The following PROK2 variants were observed in gnomAD, a reference collection of about 807,000 sequenced individuals.
The protein encoded by PROK2 is prokineticin-2.
A neutral mutation model predicts 14.2 loss-of-function variants in PROK2; 8 were observed. That is an observed-to-expected ratio of 0.56 (90% CI 0.33 to 1.02). The LOEUF (loss-of-function observed/expected upper bound fraction) is 1.02, where lower values mean the gene tolerates loss of function less well. Ranked by LOEUF, PROK2 falls within the 50% of genes least tolerant of loss-of-function variation. PROK2 has a pLI of 0.03. For synonymous variants in PROK2, 59 were observed against 60.7 expected, an observed-to-expected ratio of 0.97 and a Z score of 0.13; for missense variants, 154 against 160.4, an observed-to-expected ratio of 0.96 and a Z score of 0.22.
intron 3 of PROK2, among the ~76,000 whole-genome samples, chr3:71,773,304 C>T (rs557848209): frequency 1.3e-4 from 20 of 152,270 alleles, no homozygotes; most frequent in African/African-American, 4.8e-4. Context: ...TATATGTTAT[C>T]CTTTCCCATT....
At chr3:71,781,695 T>C (rs2050161734) in intron 1 of PROK2, 103 bp from the exon 2 acceptor site, 2 of 1,210,966 alleles carry the variant, frequency 1.7e-6, no homozygotes, top group Non-Finnish European at 2.4e-6. Flanking sequence ...TCTAAACACT[T>C]GGACTTTAAT....
At chr3:71,780,023 A>C (rs1276021158) in intron 2 of PROK2, among the ~76,000 whole-genome samples, 1 of 152,230 alleles carries the variant, frequency 6.6e-6, no homozygotes, top group Admixed American at 6.5e-5. Flanking sequence ...TAACGAGAGA[A>C]ATGCTAAAGG....
In PROK2 at chr3:71,772,772, G is replaced by A. The variant is rs530315741; in HGVS notation, c.342C>T (p.Ala114=). The change falls in exon 4 of 4, where the codon GCC becomes GCT. Residue 114 remains alanine, a synonymous_variant. Transcript: ENST00000295619. ...HHTCPCLPGL[A]CLRTSFNRFI... is the part of the protein sequence containing the mutation. ...ATCGGTTAAATGAAGTCCGTAAACA[G>A]GCCAAGCCTGGCAGACATGGGCAAG... 1.2e-6 allele frequency: 2 copies of A among 1,614,180 alleles called. No homozygotes were observed. The highest frequency in any genetic ancestry group is 1.7e-6 in the Non-Finnish European group (2 of 1,180,028).
At chr3:71,780,964 T>C (rs1247967893) in intron 2 of PROK2, among the ~76,000 whole-genome samples, 3 of 152,224 alleles carry the variant, frequency 2.0e-5, no homozygotes, top group Admixed American at 2.0e-4. Flanking sequence ...TCTAAAATTT[T>C]GAAAAATGTG....
In PROK2 at chr3:71,774,278, T is replaced by C. The variant is rs546569620; in HGVS notation, c.285+167A>G. Among the ~76,000 whole-genome samples, 5 of 152,314 alleles carry C rather than the reference T, an allele frequency of 3.3e-5. No homozygotes were observed. In the South Asian group the frequency reaches 8.3e-4, roughly 25 times the overall value. ...AATTTCTTTGTATATATCATATAGA[T>C]ATCAATACAGATTATCAAAGCTGTC... is the stretch of plus-strand genomic sequence containing the variant. On this transcript the variant is annotated intron_variant, in intron 3 of 3. Transcript: ENST00000295619.
chr3:71,772,686 G>C lies in PROK2; in HGVS notation c.*38C>G. The stretch of plus-strand genomic sequence containing the variant: ...ATCACAAGTAAGACTTTACAGGTAA[G>C]ATGTGGCTATTCACATTTGGTTTCT... On this transcript the variant is annotated 3_prime_UTR_variant, in exon 4 of 4. Coordinates refer to ENST00000295619, the MANE Select transcript of PROK2 (RefSeq NM_001126128.2). The C allele has an allele frequency of 1.9e-6, 3 of 1,543,488 alleles. No homozygotes were observed. The East Asian group carries it at 6.7e-5, about 35-fold the overall frequency.
At chr3:71,784,896 A>C (rs2050199733) in intron 1 of PROK2, 61 bp downstream of exon 1, 5 of 1,198,594 alleles carry the variant, frequency 4.2e-6, no homozygotes, top group Non-Finnish European at 5.2e-6. Flanking sequence ...CCCCGTCCCA[A>C]GCCCCCTGGG....
Position 71,785,003 on chromosome 3 carries a change from G to T in PROK2, c.50C>A (p.Pro17Gln). 2 of 1,248,558 alleles carry T rather than the reference G, an allele frequency of 1.6e-6. No individual in the cohort carries two copies. The highest frequency in any genetic ancestry group is 2.0e-6 in the Non-Finnish European group (2 of 993,698). The allele number at this position is 1,248,558 out of a possible 1,614,324, so 77.3% of individuals were successfully genotyped here. A position where few individuals can be genotyped will look rare whatever the true frequency, so the allele number is the denominator to read the frequency against. ...CCCAGCGCGGGGCGTGAGCAGCAGC[G>T]GCGGCAGCAGCAAGAGGAGCAGGAG... ...APLLLLLLLP[P>Q]LLLTPRAGDA... The change falls in exon 1 of 4, where the codon CCG (proline) becomes CAG (glutamine). Residue 17 changes from proline to glutamine, a missense_variant. By Grantham distance (76) the Pro-to-Gln change is moderately conservative (BLOSUM62 -1). Transcript: ENST00000295619.
intron 1 of PROK2, 109 bp downstream of exon 1, chr3:71,784,845 CAGG>C: frequency 4.1e-6 from 4 of 969,856 alleles, no homozygotes; most frequent in Non-Finnish European, 5.3e-6. Context: ...TGTCCCCGCC[CAGG>C]GCGACCCTCC....
At position 71,784,957 on chromosome 3, in the gene PROK2, C is replaced by G. The variant is rs2050200789; in HGVS notation, c.96G>C (p.Gly32=). The part of the protein sequence containing the change: ...PRAGDAAVIT[G]ACDKDSQCGG... ...AGACAGGTGCGCCCGGGCCGCTTAC[C>G]CCGGTGATCACGGCGGCGTCCCCAG... Residue 32 remains glycine, a splice_region_variant and synonymous_variant, in exon 1 of 4, where the codon GGG becomes GGC. Transcript: ENST00000295619. The G allele has an allele frequency of 2.5e-5, 31 of 1,247,064 alleles. No homozygotes were observed. The highest frequency in any genetic ancestry group is 3.1e-5 in the Non-Finnish European group (31 of 993,842). The allele number at this position is 1,247,064 out of a possible 1,614,324, so 77.2% of individuals were successfully genotyped here. A position where few individuals can be genotyped will look rare whatever the true frequency, so the allele number is the denominator to read the frequency against.
In PROK2 at chr3:71,774,522, G is replaced by A; in HGVS notation, c.223-15C>T. On this transcript the variant is annotated splice_polypyrimidine_tract_variant and intron_variant, in intron 2 of 3. Coordinates refer to ENST00000295619, the MANE Select transcript of PROK2 (RefSeq NM_001126128.2). ...CCAAAATTGTTCTGGAAGGGCCAGGGAGACGATTGAGATCAATAAATACAA... is the reference window on the plus strand; with the variant it reads ...CCAAAATTGTTCTGGAAGGGCCAGGAAGACGATTGAGATCAATAAATACAA... 2 of 1,549,180 alleles carry A rather than the reference G, an allele frequency of 1.3e-6. No individual in the cohort carries two copies. The highest frequency in any genetic ancestry group is 1.7e-6 in the Non-Finnish European group (2 of 1,145,976).
At chr3:71,781,743 T>C (rs556543196) in intron 1 of PROK2, 151 bp from the exon 2 acceptor site, 4 of 877,658 alleles carry the variant, frequency 4.6e-6, no homozygotes, top group Middle Eastern at 3.0e-4. Context: ...CTTCATTTAC[T>C]TGTATATAGC....
intron 3 of PROK2, among the ~76,000 whole-genome samples, chr3:71,773,252 T>C (rs1403815807): frequency 1.3e-5 from 2 of 152,196 alleles, no homozygotes; most frequent in Non-Finnish European, 2.9e-5. Flanking sequence ...ACTGCTGGGA[T>C]TACATATGTG....
rs2050118816 is a variant in PROK2, at chr3:71,776,363, C to CTTTTTTTTTTTTTTTTT, written c.223-1857_223-1856insAAAAAAAAAAAAAAAAA. On this transcript the variant is annotated intron_variant, in intron 2 of 3. Transcript: ENST00000295619. ...CTTTTCTTTTTTTCTTTTCGCTTTT[C>CTTTTTTTTTTTTTTTTT]ATTTTTTTTTTTTTTTTTTTTTTTT... Among the ~76,000 whole-genome samples, 3 of 92,070 alleles carry CTTTTTTTTTTTTTTTTT rather than the reference C, an allele frequency of 3.3e-5. 1 individual carries two copies. Among genetic ancestry groups the CTTTTTTTTTTTTTTTTT allele is most frequent in the African/African-American group, 1.3e-4 (3 of 22,464 alleles). 60.4% of individuals were successfully genotyped at this position (92,070 alleles called of 152,430 possible). A position where few individuals can be genotyped will look rare whatever the true frequency, so the allele number is the denominator to read the frequency against.
At chr3:71,773,841 G>T (rs978920196) in intron 3 of PROK2, among the ~76,000 whole-genome samples, 2 of 152,164 alleles carry the variant, frequency 1.3e-5, no homozygotes, top group African/African-American at 4.8e-5. Context: ...GAGCATGGTG[G>T]TTGTCTGTGC....
Position 71,785,128 on chromosome 3 carries a change from C to CGGCGGGCG in PROK2, c.-84_-77dup, listed in dbSNP as rs1288708414. The CGGCGGGCG allele has an allele frequency of 5.7e-5, 58 of 1,018,226 alleles. 1 individual carries two copies. The Middle Eastern group carries it at 1.9e-3, about 33-fold the overall frequency. The allele number at this position is 1,018,226 out of a possible 1,614,324, so 63.1% of individuals were successfully genotyped here. On this transcript the variant is annotated 5_prime_UTR_variant, in exon 1 of 4. Transcript: ENST00000295619. ...CGGGTGCGCTGGGTGGAGCGCGGAGCGGCGGGCGGACGGGCGCGGCGGCTC... is the reference window on the plus strand; with the variant it reads ...CGGGTGCGCTGGGTGGAGCGCGGAGCGGCGGGCGGGCGGGCGGACGGGCGCGGCGGCTC...
chr3:71,785,140 G>T lies in PROK2; in HGVS notation c.-88C>A, dbSNP rs2050204876. 5 of 900,012 alleles carry T rather than the reference G, an allele frequency of 5.6e-6. No homozygotes were observed. Among genetic ancestry groups the T allele is most frequent in the Admixed American group, 9.2e-5 (2 of 21,754 alleles). The allele number at this position is 900,012 out of a possible 1,614,324, so 55.8% of individuals were successfully genotyped here. On this transcript the variant is annotated 5_prime_UTR_variant, in exon 1 of 4. Transcript: ENST00000295619. ...GTGGAGCGCGGAGCGGCGGGCGGAC[G>T]GGCGCGGCGGCTCCCGCGAGCCTCC... is the stretch of plus-strand genomic sequence containing the variant.
intron 2 of PROK2, among the ~76,000 whole-genome samples, chr3:71,779,888 T>G (rs2050148175): frequency 6.6e-6 from 1 of 152,164 alleles, no homozygotes; most frequent in Non-Finnish European, 1.5e-5. Context: ...GGGATTACAG[T>G]GTGAGCCACT....
rs1403190981 is a variant in PROK2, at chr3:71,771,997, T to C, written c.*727A>G. On this transcript the variant is annotated 3_prime_UTR_variant, in exon 4 of 4. Coordinates refer to ENST00000295619, the MANE Select transcript of PROK2 (RefSeq NM_001126128.2). ...CCAAACCTAGAAATCTGGACTAAAT[T>C]AATTTGGCTTTCCATTCCTTCTGTC... The C allele has an allele frequency of 6.6e-6, 1 of 152,230 alleles. No individual in the cohort carries two copies. Among genetic ancestry groups the C allele is most frequent in the Non-Finnish European group, 1.5e-5 (1 of 68,038 alleles). 9.4% of individuals were successfully genotyped at this position (152,230 alleles called of 1,614,324 possible).
Sources: allele counts gnomAD v4.1 joint callset (sites outside exome capture counted in the v4.1 genomes callset), GRCh38; gene constraint gnomAD v4.1.1; transcripts MANE v1.5; gene names NCBI Gene and HGNC (gene_info 2026-07-23, HGNC 2026-07-21).